Variants in SDCCAG8 observed in about 807,000 individuals in gnomAD.
SDCCAG8 encodes SHH signaling and ciliogenesis regulator SDCCAG8.
A neutral mutation model predicts 101.8 loss-of-function variants in SDCCAG8; 74 were observed. The observed-to-expected ratio is 0.73, with a 90% CI of 0.60 to 0.88. The LOEUF is 0.88. SDCCAG8 is among the 40% of genes least tolerant of loss of function. The probability of loss-of-function intolerance (pLI) is 0.00; values close to 1 mark genes in which losing one functional copy is unlikely to be tolerated. For missense variants in SDCCAG8, 787 were observed against 822.6 expected (o/e 0.96, Z 0.53); for synonymous variants, 281 against 292.9 (o/e 0.96, Z 0.41).
chr1:243,316,481 T>G (rs1441931124), intron 8 of SDCCAG8, among the ~76,000 whole-genome samples: 2 of 152,144 alleles, frequency 1.3e-5, no homozygotes, highest in Non-Finnish European at 2.9e-5. Context: ...AATTTGCTCT[T>G]CTCTGGGCTT....
rs1572975755 is a variant in SDCCAG8 at position 243,286,519 on chromosome 1, A to G, written c.546+122A>G. On this transcript the variant is annotated intron_variant, in intron 5 of 17. Coordinates refer to ENST00000366541, the MANE Select transcript of SDCCAG8 (RefSeq NM_006642.5). ...AGTGTGGCCAAAGTACTATGTTGGTATTTGTTTGAGACCTCAAATATCAAA... is the reference window on the plus strand; with the variant it reads ...AGTGTGGCCAAAGTACTATGTTGGTGTTTGTTTGAGACCTCAAATATCAAA... 3.2e-5 allele frequency: 33 copies of G among 1,028,936 alleles called. No individual in the cohort carries two copies. The East Asian group carries it at 8.6e-4, about 27-fold the overall frequency. The allele number at this position is 1,028,936 out of a possible 1,614,324, so 63.7% of individuals were successfully genotyped here.
rs750261612 is a variant in SDCCAG8, at chr1:243,389,376, A to G, written c.1616+10513A>G. On this transcript the variant is annotated intron_variant, in intron 13 of 17. Transcript: ENST00000366541. Reference sequence around the variant, plus strand: ...TACTTAGAAAACTCTTAGAATATAAAAAGAAAGAAGCACAGCTAAATCTCT... The same window carrying G: ...TACTTAGAAAACTCTTAGAATATAAGAAGAAAGAAGCACAGCTAAATCTCT... 4.9e-4 allele frequency among the ~76,000 whole-genome samples: 75 copies of G among 152,258 alleles called. 1 individual carries two copies. Among genetic ancestry groups the G allele is most frequent in the South Asian group, 1.5e-3 (7 of 4,818 alleles).
chr1:243,368,335 T>C (rs576847962), intron 12 of SDCCAG8, among the ~76,000 whole-genome samples: 204 of 152,236 alleles, frequency 1.3e-3, no homozygotes, highest in African/African-American at 4.7e-3. Context: ...ATTCCTTTTA[T>C]ATGTATACCA....
At chr1:243,397,189 T>C (rs934259011) in intron 13 of SDCCAG8, among the ~76,000 whole-genome samples, 1 of 152,178 alleles carries the variant, frequency 6.6e-6, no homozygotes, top group Admixed American at 6.6e-5. Context: ...GATCAGTGGC[T>C]AAAAGTGTTC....
intron 13 of SDCCAG8, among the ~76,000 whole-genome samples, chr1:243,385,699 G>A (rs995726829): frequency 1.4e-4 from 22 of 152,202 alleles, no homozygotes; most frequent in African/African-American, 4.8e-4. Context: ...GCCGGGCACG[G>A]TGGCTCATGC....
At chr1:243,287,978 G>T (rs1202297583) in intron 5 of SDCCAG8, among the ~76,000 whole-genome samples, 1 of 152,148 alleles carries the variant, frequency 6.6e-6, no homozygotes, top group African/African-American at 2.4e-5. Flanking sequence ...ACTACAGTCA[G>T]AATCATAGAA....
intron 15 of SDCCAG8, among the ~76,000 whole-genome samples, chr1:243,423,584 C>T (rs899270458): frequency 2.0e-5 from 3 of 152,158 alleles, no homozygotes; most frequent in African/African-American, 7.2e-5. Context: ...AAACTTTGTA[C>T]CTAAATCTAA....
rs903054528 is a variant in SDCCAG8 at position 243,458,029 on chromosome 1, C to G, written c.1986-30985C>G. ...AGGTGTGCTGGTATGGATAGAGGTCCTGCAGAAACCTTCAGGACCCATCCC... is the reference window on the plus strand; with the variant it reads ...AGGTGTGCTGGTATGGATAGAGGTCGTGCAGAAACCTTCAGGACCCATCCC... On this transcript the variant is annotated intron_variant, in intron 16 of 17. Transcript: ENST00000366541. The surrounding 1 kb of genome is among the most constrained non-coding windows in gnomAD (Gnocchi z 4.5). 6.6e-6 allele frequency among the ~76,000 whole-genome samples: 1 copy of G among 152,218 alleles called. No homozygotes were observed. Among genetic ancestry groups the G allele is most frequent in the East Asian group, 1.9e-4 (1 of 5,200 alleles).
At chr1:243,313,444 G>C (rs529806973) in intron 8 of SDCCAG8, among the ~76,000 whole-genome samples, 1 of 152,108 alleles carries the variant, frequency 6.6e-6, no homozygotes, top group Non-Finnish European at 1.5e-5. Flanking sequence ...TGATTGCTGC[G>C]CTAAGTTTCT....
intron 1 of SDCCAG8, among the ~76,000 whole-genome samples, chr1:243,266,530 G>T (rs187372684): frequency 4.3e-4 from 66 of 151,748 alleles, no homozygotes; most frequent in African/African-American, 1.5e-3. Flanking sequence ...ACGTTGTTCA[G>T]GCTGGTCTTG....
At chr1:243,269,900 A>G (rs552329262) in intron 1 of SDCCAG8, among the ~76,000 whole-genome samples, 1 of 152,302 alleles carries the variant, frequency 6.6e-6, no homozygotes, top group East Asian at 1.9e-4. Flanking sequence ...CTTAGAGATC[A>G]TCAAGTCCTA....
intron 15 of SDCCAG8, among the ~76,000 whole-genome samples, chr1:243,420,002 A>G (rs2080877715): frequency 6.6e-6 from 1 of 152,228 alleles, no homozygotes; most frequent in South Asian, 2.1e-4. Flanking sequence ...ATTCTTTTGT[A>G]TCTGACATAG....
chr1:243,470,423 T>C (rs1661005768), intron 16 of SDCCAG8, among the ~76,000 whole-genome samples: 1 of 152,164 alleles, frequency 6.6e-6, no homozygotes, highest in Non-Finnish European at 1.5e-5. Context: ...CCAACTGCTC[T>C]AAGTTACAAA....
chr1:243,426,491 A>G lies in SDCCAG8; in HGVS notation c.1918A>G (p.Arg640Gly). The G allele has an allele frequency of 6.2e-7, 1 of 1,613,970 alleles. No individual in the cohort carries two copies. Among genetic ancestry groups the G allele is most frequent in the African/African-American group, 1.3e-5 (1 of 75,050 alleles). ...YTYDKLGKLQ[R>G]RNEELEEQCV... is the part of the protein sequence containing the mutation. Reference sequence around the variant, plus strand: ...ATATGATAAATTGGGAAAGTTACAGAGAAGAAATGAAGAATTGGAGGAACA... The same window carrying G: ...ATATGATAAATTGGGAAAGTTACAGGGAAGAAATGAAGAATTGGAGGAACA... The change falls in exon 16 of 18, where the codon AGA becomes GGA. Residue 640 changes from arginine to glycine, a missense_variant. Arg to Gly is a moderately radical substitution (Grantham distance 125). Transcript: ENST00000366541.
chr1:243,374,989 TAATAA>T (rs2077514852), intron 12 of SDCCAG8, among the ~76,000 whole-genome samples: 1 of 152,080 alleles, frequency 6.6e-6, no homozygotes. Flanking sequence ...ATTCTAGAAA[TAATAA>T]AATGATACAT....
At chr1:243,353,312 A>G (rs537099083) in intron 12 of SDCCAG8, among the ~76,000 whole-genome samples, 1 of 151,360 alleles carries the variant, frequency 6.6e-6, no homozygotes, top group East Asian at 2.0e-4. Flanking sequence ...CCAACGTGGT[A>G]AAACCGTGCA....
intron 16 of SDCCAG8, among the ~76,000 whole-genome samples, chr1:243,467,994 G>T (rs1660474393): frequency 1.3e-5 from 2 of 152,142 alleles, no homozygotes; most frequent in African/African-American, 2.4e-5. Flanking sequence ...ATGCCCAGTA[G>T]CTCTACGTGA....
chr1:243,270,045 AGTGT>A lies in SDCCAG8; in HGVS notation c.68-59_68-56del, dbSNP rs1192956107. ...CCTTTAAAAACTGCCTTCCTGAGTA[AGTGT>A]CCGTTTGGTCAACCAGACTCCATGG... On this transcript the variant is annotated intron_variant, in intron 1 of 17. Transcript: ENST00000366541. 5.0e-6 allele frequency: 8 copies of A among 1,612,794 alleles called. No homozygotes were observed. The East Asian group carries it at 1.6e-4, about 31-fold the overall frequency.
intron 12 of SDCCAG8, among the ~76,000 whole-genome samples, chr1:243,377,353 TTTAA>T (rs2077656487): frequency 6.6e-6 from 1 of 151,978 alleles, no homozygotes; most frequent in African/African-American, 2.4e-5. Context: ...TTTAATTATA[TTTAA>T]TTATGAAATT....
Sources: allele counts gnomAD v4.1 joint callset (sites outside exome capture counted in the v4.1 genomes callset), GRCh38; gene constraint gnomAD v4.1.1; non-coding constraint Gnocchi (gnomAD v3.1); transcripts MANE v1.5; gene names NCBI Gene and HGNC (gene_info 2026-07-23, HGNC 2026-07-21).